Variants in AKR1B10 observed in about 807,000 individuals in gnomAD.
The protein encoded by AKR1B10 is ARP.
In AKR1B10, 39 loss-of-function variants were observed where a neutral mutation model predicts 38.9. That is an observed-to-expected ratio of 1.00 (90% CI 0.78 to 1.31). AKR1B10 has a LOEUF of 1.31. AKR1B10 is among the 50% of genes most tolerant of loss of function. The pLI is 0.00. For missense variants in AKR1B10, 361 were observed against 382.6 expected (o/e 0.94, Z 0.47); for synonymous variants, 148 against 141.2 (o/e 1.05, Z -0.34).
At position 134,532,106 on chromosome 7, in the gene AKR1B10, G is replaced by GT. The variant is rs1807874757; in HGVS notation, c.351+83dup. 3.3e-6 allele frequency: 5 copies of GT among 1,536,622 alleles called. No individual in the cohort carries two copies. In the East Asian group the frequency reaches 1.1e-4, roughly 35 times the overall value. ...AGCTGCACCAGGGCTGTGGGGTGGT[G>GT]TGGACTGGGGCAGGAGGCCTTGCAT... is the stretch of plus-strand genomic sequence containing the variant. On this transcript the variant is annotated intron_variant, in intron 3 of 9. Coordinates refer to ENST00000359579, the MANE Select transcript of AKR1B10 (RefSeq NM_020299.5).
At chr7:134,535,430 A>G (rs1053057364) in intron 4 of AKR1B10, among the ~76,000 whole-genome samples, 1 of 152,038 alleles carries the variant, frequency 6.6e-6, no homozygotes, top group Non-Finnish European at 1.5e-5. Flanking sequence ...GCATCCAGCC[A>G]GTATTTTTTA....
chr7:134,536,375 T>A (rs117944292), intron 4 of AKR1B10, among the ~76,000 whole-genome samples: 3,734 of 152,362 alleles, frequency 0.025, 88 homozygotes, highest in South Asian at 0.1. Flanking sequence ...GGAAGTTTAA[T>A]TTTTTATGTG....
chr7:134,528,297 A>G (rs1807747284), intron 1 of AKR1B10, among the ~76,000 whole-genome samples: 1 of 152,186 alleles, frequency 6.6e-6, no homozygotes, highest in African/African-American at 2.4e-5. Flanking sequence ...GTTTCCCCCA[A>G]GTCTTGGCTG....
intron 4 of AKR1B10, among the ~76,000 whole-genome samples, chr7:134,533,840 TG>T (rs1199460780): frequency 6.6e-6 from 1 of 152,228 alleles, no homozygotes. Flanking sequence ...ACATTTTCTC[TG>T]GTCATTTTTT....
intron 4 of AKR1B10, among the ~76,000 whole-genome samples, 196 bp from the exon 5 acceptor site, chr7:134,536,454 C>T (rs1232442912): frequency 3.9e-5 from 6 of 152,092 alleles, no homozygotes; most frequent in South Asian, 2.1e-4. Context: ...GTTTTTCTTG[C>T]GCTGGGGAGG....
chr7:134,537,662 G>T lies in AKR1B10; in HGVS notation c.741+1G>T. 2.5e-6 allele frequency: 4 copies of T among 1,614,050 alleles called. No individual in the cohort carries two copies. The highest frequency in any genetic ancestry group is 3.4e-6 in the Non-Finnish European group (4 of 1,179,960). On this transcript the variant is annotated splice_donor_variant, in intron 7 of 9. Coordinates refer to ENST00000359579, the MANE Select transcript of AKR1B10 (RefSeq NM_020299.5). LOFTEE classifies it high-confidence loss of function. Reference sequence around the variant, plus strand: ...AAAGCACAAAAAAACCGCAGCCCAGGTGCCATATTTTTATTTTTCTTGTTA... The same window carrying T: ...AAAGCACAAAAAAACCGCAGCCCAGTTGCCATATTTTTATTTTTCTTGTTA...
At chr7:134,538,574 C>A (rs922264879) in intron 8 of AKR1B10, among the ~76,000 whole-genome samples, 8 of 152,150 alleles carry the variant, frequency 5.3e-5, no homozygotes, top group African/African-American at 1.7e-4. Context: ...GGGCCACACA[C>A]AAGAACAGAC....
chr7:134,536,981 G>T, intron 5 of AKR1B10, 70 bp from the exon 6 acceptor site: 1 of 1,558,358 alleles, frequency 6.4e-7, no homozygotes, highest in Non-Finnish European at 8.7e-7. Context: ...TTTTTTGTGT[G>T]TAGAACTCCC....
At chr7:134,529,873 A>G (rs1378203719) in intron 1 of AKR1B10, among the ~76,000 whole-genome samples, 1 of 151,638 alleles carries the variant, frequency 6.6e-6, no homozygotes, top group Non-Finnish European at 1.5e-5. Context: ...GTGGAAAACA[A>G]ACTCTATTCC....
intron 4 of AKR1B10, among the ~76,000 whole-genome samples, chr7:134,533,874 T>C (rs1198442858): frequency 6.6e-6 from 1 of 152,164 alleles, no homozygotes; most frequent in African/African-American, 2.4e-5. Context: ...CTTTTGCAAA[T>C]GCTAGTAGAG....
intron 9 of AKR1B10, among the ~76,000 whole-genome samples, chr7:134,540,656 C>T (rs768491633): frequency 1.3e-5 from 2 of 152,174 alleles, no homozygotes; most frequent in Non-Finnish European, 1.5e-5. Flanking sequence ...GTGCCAGGGT[C>T]CTGCGCCCTT....
At chr7:134,533,422 T>A (rs1230608136) in intron 4 of AKR1B10, among the ~76,000 whole-genome samples, 1 of 152,166 alleles carries the variant, frequency 6.6e-6, no homozygotes, top group East Asian at 1.9e-4. Flanking sequence ...GTTTTGTAAC[T>A]CATGTAGGGC....
At chr7:134,535,850 G>C (rs1807987448) in intron 4 of AKR1B10, among the ~76,000 whole-genome samples, 1 of 152,110 alleles carries the variant, frequency 6.6e-6, no homozygotes, top group Non-Finnish European at 1.5e-5. Flanking sequence ...TTCTGGGCAG[G>C]ATCTGGAACA....
At chr7:134,537,965 A>C (rs1223305370) in intron 7 of AKR1B10, among the ~76,000 whole-genome samples, 5 of 151,552 alleles carry the variant, frequency 3.3e-5, no homozygotes, top group African/African-American at 7.3e-5. Context: ...TATGACCCCC[A>C]AGCTACTTTC....
intron 7 of AKR1B10, 61 bp from the exon 8 acceptor site, chr7:134,538,133 T>G: frequency 6.9e-7 from 1 of 1,458,050 alleles, no homozygotes; most frequent in Non-Finnish European, 9.6e-7. Flanking sequence ...TTATTCTTCC[T>G]TTCCATAAAA....
chr7:134,530,939 C>T (rs1456421625), intron 2 of AKR1B10, 129 bp downstream of exon 2: 28 of 1,281,044 alleles, frequency 2.2e-5, no homozygotes, highest in Middle Eastern at 1.9e-4. Context: ...TGATAACATC[C>T]GTGAATACAA....
At chr7:134,532,086 C>A (rs1807874330) in intron 3 of AKR1B10, 62 bp downstream of exon 3, 2 of 1,592,332 alleles carry the variant, frequency 1.3e-6, no homozygotes, top group Admixed American at 3.3e-5. Context: ...ATAGTAGCTG[C>A]ACCAGGGCTG....
At chr7:134,540,637 G>A (rs1469426179) in intron 9 of AKR1B10, among the ~76,000 whole-genome samples, 1 of 152,144 alleles carries the variant, frequency 6.6e-6, no homozygotes, top group Non-Finnish European at 1.5e-5. Flanking sequence ...TTGAACCTTA[G>A]CTTAGAATGT....
intron 9 of AKR1B10, 63 bp from the exon 10 acceptor site, chr7:134,540,984 A>G: frequency 8.3e-7 from 1 of 1,209,204 alleles, no homozygotes; most frequent in Non-Finnish European, 1.2e-6. Flanking sequence ...TACCTTCTCA[A>G]CCAGAGTTGT....
Sources: allele counts gnomAD v4.1 joint callset (sites outside exome capture counted in the v4.1 genomes callset), GRCh38; gene constraint gnomAD v4.1.1; transcripts MANE v1.5; gene names NCBI Gene and HGNC (gene_info 2026-07-23, HGNC 2026-07-21).